NRG3: variants seen among roughly 807,000 people sequenced by gnomAD.
NRG3 encodes pro-neuregulin-3, membrane-bound isoform.
A neutral mutation model predicts 66.9 loss-of-function variants in NRG3; 31 were observed. The ratio of observed to expected loss-of-function variants is 0.46; its 90% CI spans 0.35 to 0.63. The LOEUF (loss-of-function observed/expected upper bound fraction) is 0.63, where lower values mean the gene tolerates loss of function less well. Among genes scored for constraint, NRG3 ranks in the 20% least tolerant of loss-of-function variants. The pLI is 0.00. For missense variants in NRG3, 910 were observed against 878.9 expected, an observed-to-expected ratio of 1.04 and a Z score of -0.45; for synonymous variants, 393 against 359.4, an observed-to-expected ratio of 1.09 and a Z score of -1.06.
At chr10:82,509,222 A>G (rs1844951314) in intron 2 of NRG3, among the ~76,000 whole-genome samples, 1 of 152,136 alleles carries the variant, frequency 6.6e-6, no homozygotes, top group African/African-American at 2.4e-5. Context: ...GACAACAGAA[A>G]CAGACTTTTC....
Position 82,745,150 on chromosome 10 carries a change from G to A in NRG3, c.1027+6500G>A, listed in dbSNP as rs74636936. 2.2e-4 allele frequency among the ~76,000 whole-genome samples: 34 copies of A among 152,288 alleles called. No homozygotes were observed. In the East Asian group the frequency reaches 6.4e-3, roughly 29 times the overall value. On this transcript the variant is annotated intron_variant, in intron 3 of 8. Coordinates refer to ENST00000372141, the MANE Select transcript of NRG3 (RefSeq NM_001010848.4). ...CATAAAGTGGAAGGAGAGATCTGGT[G>A]TTAGGAAAGGATTTCTCTAGGAGAG...
At chr10:82,008,494 G>A (rs1230283003) in intron 1 of NRG3, among the ~76,000 whole-genome samples, 1 of 152,174 alleles carries the variant, frequency 6.6e-6, no homozygotes, top group African/African-American at 2.4e-5. Context: ...GTCCCTATTT[G>A]GAAGGTATTT....
chr10:82,205,096 T>G (rs2075050925), intron 1 of NRG3, among the ~76,000 whole-genome samples: 1 of 152,214 alleles, frequency 6.6e-6, no homozygotes, highest in Admixed American at 6.6e-5. Context: ...GGACATTAAC[T>G]CAAAAGGAAG....
chr10:82,831,619 A>G (rs186761567), intron 3 of NRG3, among the ~76,000 whole-genome samples: 46 of 152,206 alleles, frequency 3.0e-4, no homozygotes, highest in Admixed American at 1.8e-3. Context: ...GTTCAAAACC[A>G]GCCTGACCAA....
intron 1 of NRG3, among the ~76,000 whole-genome samples, chr10:82,107,181 G>T (rs2067119488): frequency 6.6e-6 from 1 of 152,196 alleles, no homozygotes; most frequent in South Asian, 2.1e-4. Flanking sequence ...TCCCAAATCT[G>T]AAAATCCCTA....
At chr10:82,512,412 A>C (rs939119111) in intron 2 of NRG3, among the ~76,000 whole-genome samples, 1 of 151,894 alleles carries the variant, frequency 6.6e-6, no homozygotes, top group African/African-American at 2.4e-5. Flanking sequence ...CAGCCTCCCA[A>C]GTAGCTGAGA....
chr10:82,959,485 T>A (rs532351405), intron 6 of NRG3, among the ~76,000 whole-genome samples: 1 of 152,168 alleles, frequency 6.6e-6, no homozygotes, highest in South Asian at 2.1e-4. Context: ...CCGAGATAGT[T>A]GTTGTTGCAG....
chr10:82,185,518 G>T (rs2073748769), intron 1 of NRG3, among the ~76,000 whole-genome samples: 1 of 152,144 alleles, frequency 6.6e-6, no homozygotes, highest in South Asian at 2.1e-4. Flanking sequence ...ATTCCAAATT[G>T]ACATCAGTTT....
chr10:82,423,738 C>T (rs530888662), intron 2 of NRG3, among the ~76,000 whole-genome samples: 7 of 152,004 alleles, frequency 4.6e-5, no homozygotes, highest in Admixed American at 1.3e-4. Context: ...GTGCAATCAC[C>T]GCCACTATTT....
At chr10:81,901,555 A>G (rs1844071701) in intron 1 of NRG3, among the ~76,000 whole-genome samples, 1 of 152,044 alleles carries the variant, frequency 6.6e-6, no homozygotes, top group Admixed American at 6.5e-5. Flanking sequence ...TATAGTCCCT[A>G]TTACTTAGGA....
intron 2 of NRG3, among the ~76,000 whole-genome samples, chr10:82,733,857 T>C (rs2058033899): frequency 1.3e-5 from 2 of 152,348 alleles, no homozygotes; most frequent in African/African-American, 2.4e-5. Flanking sequence ...ACTTAGTTGT[T>C]ATTCAGGAAA....
rs527856237 is a variant in NRG3 at position 82,392,082 on chromosome 10, C to A, written c.953+33214C>A. ...TGTGAATTCCACTCACATTTCAAAG[C>A]CAATACATGTAAAAGATTAAATGAA... On this transcript the variant is annotated intron_variant, in intron 2 of 8. Transcript: ENST00000372141. 1.8e-3 allele frequency among the ~76,000 whole-genome samples: 267 copies of A among 150,532 alleles called. 1 individual carries two copies. The highest frequency in any genetic ancestry group is 6.0e-3 in the African/African-American group (244 of 40,844).
chr10:82,734,205 C>G (rs2058050682), intron 2 of NRG3, among the ~76,000 whole-genome samples: 1 of 152,146 alleles, frequency 6.6e-6, no homozygotes, highest in African/African-American at 2.4e-5. Flanking sequence ...TTTACTTAAA[C>G]CAGCCACTGG....
chr10:82,667,740 G>A (rs1294165296), intron 2 of NRG3, among the ~76,000 whole-genome samples: 1 of 152,082 alleles, frequency 6.6e-6, no homozygotes, highest in African/African-American at 2.4e-5. Context: ...TTGGACCTTG[G>A]GAAGCCAGAA....
At chr10:82,429,432 T>C (rs2089655097) in intron 2 of NRG3, among the ~76,000 whole-genome samples, 1 of 152,074 alleles carries the variant, frequency 6.6e-6, no homozygotes, top group East Asian at 1.9e-4. Flanking sequence ...TTTCTTTTGG[T>C]GCTTTGAATA....
At chr10:82,722,234 CTCT>C (rs1341636918) in intron 2 of NRG3, among the ~76,000 whole-genome samples, 3 of 152,118 alleles carry the variant, frequency 2.0e-5, no homozygotes, top group Non-Finnish European at 1.5e-5. Flanking sequence ...TTGAAACATG[CTCT>C]TTATTATTTC....
At chr10:82,815,825 G>A (rs1422997921) in intron 3 of NRG3, among the ~76,000 whole-genome samples, 1 of 152,156 alleles carries the variant, frequency 6.6e-6, no homozygotes, top group South Asian at 2.1e-4. Flanking sequence ...GTGAGCCAGG[G>A]GTGCAGCAGT....
intron 2 of NRG3, among the ~76,000 whole-genome samples, chr10:82,541,689 A>T (rs1010463875): frequency 3.9e-5 from 6 of 152,122 alleles, no homozygotes; most frequent in African/African-American, 1.2e-4. Context: ...TGTGGATTTC[A>T]TTTATGCCTT....
intron 2 of NRG3, among the ~76,000 whole-genome samples, chr10:82,606,541 T>C (rs1425258075): frequency 6.6e-6 from 1 of 152,148 alleles, no homozygotes. Flanking sequence ...TTGATTGATG[T>C]TGCTGTTCAT....
Sources: allele counts gnomAD v4.1 joint callset (sites outside exome capture counted in the v4.1 genomes callset), GRCh38; gene constraint gnomAD v4.1.1; transcripts MANE v1.5; gene names NCBI Gene and HGNC (gene_info 2026-07-23, HGNC 2026-07-21).